LYPLAL1: variants seen among roughly 807,000 people sequenced by gnomAD.
The protein encoded by LYPLAL1 is lysophospholipase-like protein 1.
LYPLAL1 carries 23 observed loss-of-function variants against 19.7 expected under a neutral mutation model. That is an observed-to-expected ratio of 1.17 (90% CI 0.84 to 1.65). The LOEUF (loss-of-function observed/expected upper bound fraction) is 1.65. LYPLAL1 is among the 40% of genes most tolerant of loss of function. The pLI, the probability that LYPLAL1 is intolerant of heterozygous loss-of-function variation, is 0.00. For missense variants in LYPLAL1, 355 were observed against 279.4 expected (o/e 1.27, Z -1.93); for synonymous variants, 119 against 96.3 (o/e 1.24, Z -1.38).
At chr1:219,201,638 A>G (rs535892748) in intron 3 of LYPLAL1, among the ~76,000 whole-genome samples, 6 of 152,250 alleles carry the variant, frequency 3.9e-5, no homozygotes, top group Admixed American at 6.5e-5. Context: ...GAGCTAATTA[A>G]TGTCTATAAA....
the LYPLAL1 span, among the ~76,000 whole-genome samples, chr1:219,285,489 C>T: frequency 6.6e-6 from 1 of 152,088 alleles, no homozygotes; most frequent in Non-Finnish European, 1.5e-5. Context: ...TGTCCATCAA[C>T]AAATGAATAA....
chr1:219,300,275 G>A, the LYPLAL1 span, among the ~76,000 whole-genome samples: 1 of 152,094 alleles, frequency 6.6e-6, no homozygotes, highest in East Asian at 1.9e-4. Context: ...GAGCCACTGT[G>A]CCTGGCCTAT....
the LYPLAL1 span, among the ~76,000 whole-genome samples, chr1:219,329,899 C>T: frequency 1.1e-3 from 174 of 152,244 alleles, 1 homozygote; most frequent in African/African-American, 3.8e-3. Context: ...ATCTCCTCCT[C>T]GCCCCCACCC....
At chr1:219,282,601 T>C in the LYPLAL1 span, among the ~76,000 whole-genome samples, 1 of 151,476 alleles carries the variant, frequency 6.6e-6, no homozygotes, top group African/African-American at 2.4e-5. Context: ...GGGAGGGGGA[T>C]AACACAGTCA....
At chr1:219,236,798 G>T in the LYPLAL1 span, among the ~76,000 whole-genome samples, 1 of 152,106 alleles carries the variant, frequency 6.6e-6, no homozygotes, top group Non-Finnish European at 1.5e-5. Flanking sequence ...GGATGTGCAG[G>T]TTTGTTACAT....
chr1:219,242,621 T>G, the LYPLAL1 span, among the ~76,000 whole-genome samples: 5 of 152,072 alleles, frequency 3.3e-5, no homozygotes, highest in Non-Finnish European at 7.4e-5. Context: ...TCCATCATTG[T>G]GTATTGGTTG....
the LYPLAL1 span, among the ~76,000 whole-genome samples, chr1:219,310,944 G>C: frequency 2.0e-5 from 3 of 152,204 alleles, no homozygotes; most frequent in African/African-American, 7.2e-5. Context: ...AGTAAGAAAA[G>C]TGTTGATGAA....
chr1:219,402,022 G>C, the LYPLAL1 span, among the ~76,000 whole-genome samples: 1 of 152,170 alleles, frequency 6.6e-6, no homozygotes, highest in South Asian at 2.1e-4. Flanking sequence ...TTATTTCTAA[G>C]AGAAATGTAC....
the LYPLAL1 span, among the ~76,000 whole-genome samples, chr1:219,418,299 C>T: frequency 2.0e-5 from 3 of 152,112 alleles, no homozygotes; most frequent in African/African-American, 7.2e-5. Flanking sequence ...GGACAACTCT[C>T]ATTCACAAAT....
At chr1:219,310,261 A>G in the LYPLAL1 span, among the ~76,000 whole-genome samples, 19 of 152,296 alleles carry the variant, frequency 1.2e-4, no homozygotes, top group African/African-American at 4.1e-4. Context: ...CATTGTACCT[A>G]TTTATGGGGG....
chr1:219,357,624 G>C, the LYPLAL1 span, among the ~76,000 whole-genome samples: 32 of 152,218 alleles, frequency 2.1e-4, no homozygotes, highest in African/African-American at 6.0e-4. Flanking sequence ...GCACCATTTT[G>C]AGCAGCAGTT....
rs1290569362 is a variant in LYPLAL1 at position 219,210,396 on chromosome 1, TTAGAG to T, written c.362-131_362-127del. On this transcript the variant is annotated intron_variant, in intron 3 of 4. Coordinates refer to ENST00000366928, the MANE Select transcript of LYPLAL1 (RefSeq NM_138794.5). Reference sequence around the variant, plus strand: ...TATCGCAGGCCTTTGTCTGTGAAACTTAGAGTAGACGAAATTTCTTTTTAGCATTC... The same window carrying T: ...TATCGCAGGCCTTTGTCTGTGAAACTTAGACGAAATTTCTTTTTAGCATTC... 1.4e-5 allele frequency: 8 copies of T among 566,310 alleles called. No individual in the cohort carries two copies. The East Asian group carries it at 2.5e-4, about 18-fold the overall frequency. The allele number at this position is 566,310 out of a possible 1,614,324, so 35.1% of individuals were successfully genotyped here. A position where few individuals can be genotyped will look rare whatever the true frequency, so the allele number is the denominator to read the frequency against.
At chr1:219,384,889 C>G in the LYPLAL1 span, among the ~76,000 whole-genome samples, 1 of 152,180 alleles carries the variant, frequency 6.6e-6, no homozygotes, top group Admixed American at 6.5e-5. Flanking sequence ...TACTGTGATT[C>G]TGTTTCATTG....
chr1:219,406,465 A>G, the LYPLAL1 span, among the ~76,000 whole-genome samples: 1 of 152,224 alleles, frequency 6.6e-6, no homozygotes, highest in Non-Finnish European at 1.5e-5. Flanking sequence ...TAAGATTAGG[A>G]CCTAAACACA....
the LYPLAL1 span, among the ~76,000 whole-genome samples, chr1:219,248,954 T>TA: frequency 9.2e-5 from 14 of 152,044 alleles, no homozygotes; most frequent in African/African-American, 3.1e-4. Flanking sequence ...TATATGTCTT[T>TA]AAAAAAACAT....
At chr1:219,370,780 T>C in the LYPLAL1 span, among the ~76,000 whole-genome samples, 4 of 152,196 alleles carry the variant, frequency 2.6e-5, no homozygotes, top group African/African-American at 9.7e-5. Flanking sequence ...CCTGGCAGTC[T>C]TTCTGGGCCC....
the LYPLAL1 span, among the ~76,000 whole-genome samples, chr1:219,267,679 C>T: frequency 6.6e-6 from 1 of 152,192 alleles, no homozygotes; most frequent in Non-Finnish European, 1.5e-5. Flanking sequence ...TCCCATTTTA[C>T]AGATGAGAAA....
the LYPLAL1 span, among the ~76,000 whole-genome samples, chr1:219,342,314 A>G: frequency 6.6e-6 from 1 of 152,134 alleles, no homozygotes; most frequent in Non-Finnish European, 1.5e-5. Context: ...GAGATAGTAA[A>G]TCCTCCAGAG....
chr1:219,322,521 ATT>A, the LYPLAL1 span, among the ~76,000 whole-genome samples: 1 of 152,006 alleles, frequency 6.6e-6, no homozygotes, highest in Non-Finnish European at 1.5e-5. Flanking sequence ...AATGAAATGT[ATT>A]TTTTCTTTCT....
Sources: gnomAD v4.1 joint callset for allele counts (sites outside exome capture counted in the v4.1 genomes callset) on GRCh38, gnomAD v4.1.1 for gene constraint, MANE v1.5 for transcripts, NCBI Gene and HGNC (gene_info 2026-07-23, HGNC 2026-07-21) for gene names.